Variants in TANC2 observed in about 807,000 individuals in gnomAD.
TANC2 encodes protein TANC2.
In TANC2, 26 loss-of-function variants were observed where a neutral mutation model predicts 210.5. The observed-to-expected ratio is 0.12, with a 90% CI of 0.09 to 0.17. The LOEUF is 0.17. Ranked by LOEUF, TANC2 falls within the 10% of genes least tolerant of loss-of-function variation. The pLI is 1.00. For missense variants in TANC2, 2,129 were observed against 2,608.9 expected, an observed-to-expected ratio of 0.82 and a Z score of 4.01; for synonymous variants, 931 against 967.1, an observed-to-expected ratio of 0.96 and a Z score of 0.69.
In TANC2 at chr17:63,106,171, T is replaced by C. The variant is rs975924941; in HGVS notation, c.322+6814T>C. Among the ~76,000 whole-genome samples the C allele has an allele frequency of 4.0e-5, 6 of 151,636 alleles. 1 individual carries two copies. Among genetic ancestry groups the C allele is most frequent in the Admixed American group, 1.3e-4 (2 of 15,254 alleles). ...CCCTTATTTCCTTGAAGAGGTTATT[T>C]CTGTAGTCTTCCAAATCAAAAGTAG... On this transcript the variant is annotated intron_variant, in intron 4 of 27. Coordinates refer to ENST00000689528, the Ensembl canonical transcript of TANC2.
At chr17:63,013,855 T>A (rs1167369965) in intron 2 of TANC2, among the ~76,000 whole-genome samples, 1 of 152,198 alleles carries the variant, frequency 6.6e-6, no homozygotes, top group Non-Finnish European at 1.5e-5. Context: ...TGATGTCTTT[T>A]GTCAGTTTTG....
chr17:63,048,910 A>C (rs1230353342), intron 2 of TANC2, among the ~76,000 whole-genome samples: 1 of 152,198 alleles, frequency 6.6e-6, no homozygotes, highest in Non-Finnish European at 1.5e-5. Context: ...ATACAAGTTT[A>C]CCTGTGTAGC....
rs1170508286 is a variant in TANC2, at chr17:63,255,903, CT to C, written c.1034-11823del. On this transcript the variant is annotated intron_variant, in intron 8 of 27. Transcript: ENST00000689528. ...TCATTAAGTTGTTTATTTGACTTTT[CT>C]TTTTTTTTTTTTTTTTTTTTTGAGA... 7.4e-3 allele frequency among the ~76,000 whole-genome samples: 624 copies of C among 84,232 alleles called. 2 individuals are homozygous for C. The highest frequency in any genetic ancestry group is 0.026 in the African/African-American group (532 of 20,500). 55.3% of individuals were successfully genotyped at this position (84,232 alleles called of 152,430 possible).
At chr17:63,297,135 G>T (rs2044560755) in intron 9 of TANC2, among the ~76,000 whole-genome samples, 1 of 152,100 alleles carries the variant, frequency 6.6e-6, no homozygotes, top group Admixed American at 6.5e-5. Flanking sequence ...TAAGATATTG[G>T]TACTACCCAA....
intron 1 of TANC2, chr17:63,005,165 A>G (rs2033560846): frequency 6.6e-6 from 1 of 152,164 alleles, no homozygotes; most frequent in Non-Finnish European, 1.5e-5. Context: ...TTTTTTAAAA[A>G]ATGCATTATC....
At chr17:63,303,773 T>A (rs1162456974) in intron 9 of TANC2, among the ~76,000 whole-genome samples, 1 of 152,092 alleles carries the variant, frequency 6.6e-6, no homozygotes, top group Non-Finnish European at 1.5e-5. Context: ...GTCCCATATT[T>A]CTTGGAGGTT....
intron 9 of TANC2, among the ~76,000 whole-genome samples, chr17:63,297,577 A>C (rs1300062341): frequency 2.0e-5 from 3 of 152,164 alleles, no homozygotes; most frequent in Admixed American, 6.5e-5. Context: ...AACCTAACCT[A>C]CAGATAAGAG....
At chr17:63,389,997 G>A (rs2047914012) in intron 17 of TANC2, 1 of 192,864 alleles carries the variant, frequency 5.2e-6, no homozygotes, top group African/African-American at 2.3e-5. Context: ...TCCTGTCCTT[G>A]AAGACCACCA....
rs62074976 is a variant in TANC2 at position 63,252,943 on chromosome 17, A to G, written c.1034-14805A>G. ...TATCCTGAATAGTGCTGCAACAAACATGGAACTGCAGATACTAATTTTCCT... is the reference window on the plus strand; with the variant it reads ...TATCCTGAATAGTGCTGCAACAAACGTGGAACTGCAGATACTAATTTTCCT... On this transcript the variant is annotated intron_variant, in intron 8 of 27. Transcript: ENST00000689528. 9.8e-3 allele frequency among the ~76,000 whole-genome samples: 1,487 copies of G among 152,314 alleles called. 14 individuals carry two copies. The highest frequency in any genetic ancestry group is 0.016 in the Non-Finnish European group (1,062 of 68,036).
At chr17:62,967,595 A>G (rs770449519) in intron 1 of TANC2, 3 of 152,218 alleles carry the variant, frequency 2.0e-5, no homozygotes, top group African/African-American at 7.2e-5. Context: ...CGTCTTGACC[A>G]TAATTATGAG....
intron 7 of TANC2, among the ~76,000 whole-genome samples, chr17:63,203,654 A>G (rs2041606153): frequency 6.6e-6 from 1 of 152,202 alleles, no homozygotes; most frequent in Non-Finnish European, 1.5e-5. Context: ...TCAAATGGAA[A>G]TAGGTGAAGT....
chr17:63,082,283 T>C (rs1267427344), intron 3 of TANC2, among the ~76,000 whole-genome samples: 1 of 152,234 alleles, frequency 6.6e-6, no homozygotes, highest in Non-Finnish European at 1.5e-5. Context: ...TTTGTAAGTC[T>C]TTTTGAAGGG....
intron 2 of TANC2, among the ~76,000 whole-genome samples, chr17:63,055,691 C>T: frequency 6.8e-6 from 1 of 146,230 alleles, no homozygotes. Flanking sequence ...TCTGTTTTGT[C>T]CATAAATATA....
intron 5 of TANC2, among the ~76,000 whole-genome samples, chr17:63,176,520 A>G (rs575364523): frequency 6.6e-6 from 1 of 152,298 alleles, no homozygotes; most frequent in East Asian, 1.9e-4. Flanking sequence ...AATAACAGAA[A>G]AAAGGCCGGT....
chr17:63,335,562 G>A (rs1422798388), intron 11 of TANC2, among the ~76,000 whole-genome samples: 1 of 150,930 alleles, frequency 6.6e-6, no homozygotes, highest in Admixed American at 6.6e-5. Context: ...GCAGTGAGCC[G>A]AGATCGCACC....
At chr17:63,161,276 C>T (rs1290607664) in intron 5 of TANC2, among the ~76,000 whole-genome samples, 1 of 152,020 alleles carries the variant, frequency 6.6e-6, no homozygotes, top group Non-Finnish European at 1.5e-5. Flanking sequence ...GTGGGAGGAT[C>T]GCTTGAACCC....
chr17:62,992,206 G>C (rs79743556), intron 1 of TANC2, among the ~76,000 whole-genome samples: 1,617 of 152,224 alleles, frequency 0.011, 28 homozygotes, highest in African/African-American at 0.037. Context: ...GTGTGGGGCT[G>C]TCTTAAAATG....
In TANC2 at chr17:63,420,530, C is replaced by T. The variant is rs759908687; in HGVS notation, c.4800C>T (p.Phe1600=). The T allele has an allele frequency of 6.2e-7, 1 of 1,613,916 alleles. No homozygotes were observed. The highest frequency in any genetic ancestry group is 1.1e-5 in the South Asian group (1 of 91,064). ...CTCATCAGGGAGGATCTTACCGTTT[C>T]AGCCCCCCTCCTGTGGGAGGACAGG... The change falls in exon 28 of 28, where the codon TTC becomes TTT. Residue 1600 remains phenylalanine (F), a synonymous_variant. Transcript: ENST00000689528. This position sits in a 1 kb window ranked among gnomAD's most constrained non-coding sequence, Gnocchi z 4.2.
intron 1 of TANC2, among the ~76,000 whole-genome samples, chr17:62,995,676 A>G (rs1270077714): frequency 2.6e-5 from 4 of 152,228 alleles, no homozygotes; most frequent in African/African-American, 9.6e-5. Flanking sequence ...ATCATCAGTT[A>G]CTTCCCTTTC....
Sources: allele counts gnomAD v4.1 joint callset (sites outside exome capture counted in the v4.1 genomes callset), GRCh38; gene constraint gnomAD v4.1.1; non-coding constraint Gnocchi (gnomAD v3.1); transcripts MANE v1.5; gene names NCBI Gene and HGNC (gene_info 2026-07-23, HGNC 2026-07-21).